Variants in THADA observed in about 807,000 individuals in gnomAD.
THADA encodes the protein tRNA (32-2'-O)-methyltransferase regulator THADA.
Under a neutral mutation model 219.8 loss-of-function variants are expected in THADA, and 213 were observed. The observed-to-expected ratio is 0.97, with a 90% CI of 0.87 to 1.09. The LOEUF is 1.09. Ranked by LOEUF, THADA falls within the 50% of genes least tolerant of loss-of-function variation. The probability of loss-of-function intolerance (pLI) is 0.00; values close to 1 mark genes in which losing one functional copy is unlikely to be tolerated. For synonymous variants in THADA, 1,018 were observed against 828.9 expected, an observed-to-expected ratio of 1.23 and a Z score of -3.92; for missense variants, 2,956 against 2,311.3, an observed-to-expected ratio of 1.28 and a Z score of -5.72.
intron 28 of THADA, among the ~76,000 whole-genome samples, chr2:43,402,882 C>T (rs908517361): frequency 1.3e-5 from 2 of 152,170 alleles, no homozygotes; most frequent in African/African-American, 2.4e-5. Context: ...AGGCAGAGAG[C>T]GCTTGGGTTT....
intron 31 of THADA, among the ~76,000 whole-genome samples, chr2:43,293,462 G>A (rs558856531): frequency 6.6e-6 from 1 of 152,136 alleles, no homozygotes; most frequent in East Asian, 1.9e-4. Context: ...ATGCGTTCCT[G>A]GCACCCCTCC....
intron 29 of THADA, among the ~76,000 whole-genome samples, chr2:43,385,501 G>C (rs1399095723): frequency 2.0e-5 from 3 of 151,234 alleles, no homozygotes; most frequent in African/African-American, 7.3e-5. Flanking sequence ...CAGTTACTCG[G>C]AAGTCTGAGG....
At chr2:43,285,205 T>C (rs1673844990) in intron 35 of THADA, among the ~76,000 whole-genome samples, 2 of 152,190 alleles carry the variant, frequency 1.3e-5, no homozygotes, top group African/African-American at 4.8e-5. Flanking sequence ...GAGAAGGACA[T>C]GAGATTCAGG....
At chr2:43,445,900 C>T (rs1473878213) in intron 26 of THADA, among the ~76,000 whole-genome samples, 3 of 152,100 alleles carry the variant, frequency 2.0e-5, no homozygotes, top group African/African-American at 7.2e-5. Flanking sequence ...GGAGAATTCC[C>T]AAATCACTAA....
Position 43,574,802 on chromosome 2 carries a change from C to A in THADA, c.1263G>T (p.Met421Ile). 6.2e-6 allele frequency: 10 copies of A among 1,613,990 alleles called. No individual in the cohort carries two copies. Among genetic ancestry groups the A allele is most frequent in the Non-Finnish European group, 7.6e-6 (9 of 1,179,906 alleles). ...TKIMFKNLLQ[M>I]HRLTVEGADF... ...CTGCACCTTCCACAGTGAGCCGGTG[C>A]ATTTGGAGAAGGTTTTTGAACATGA... Residue 421 changes from methionine to isoleucine, a missense_variant, in exon 11 of 38, where the codon ATG becomes ATT. By Grantham distance (10) the Met-to-Ile change is conservative. Transcript: ENST00000405975.
chr2:43,581,211 C>T (rs1056733300), intron 8 of THADA, among the ~76,000 whole-genome samples: 1 of 151,966 alleles, frequency 6.6e-6, no homozygotes, highest in African/African-American at 2.4e-5. Context: ...ACCCTTGAAC[C>T]TATCTTCCAA....
chr2:43,480,101 T>C (rs1686008147), intron 26 of THADA, among the ~76,000 whole-genome samples: 1 of 152,244 alleles, frequency 6.6e-6, no homozygotes, highest in Non-Finnish European at 1.5e-5. Flanking sequence ...TGTAACAGCA[T>C]GTGCTCTGCA....
chr2:43,349,902 AT>A (rs1668056475), intron 29 of THADA, among the ~76,000 whole-genome samples: 1 of 152,170 alleles, frequency 6.6e-6, no homozygotes, highest in Non-Finnish European at 1.5e-5. Context: ...CAAGTATAAA[AT>A]TTCTGTATCT....
chr2:43,577,218 C>G lies in THADA; in HGVS notation c.841G>C (p.Val281Leu), dbSNP rs775499084. ...HLISSVLLRS[V>L]DCTSVPEWFM... is the part of the protein sequence containing the mutation. ...CACTCGGGGACACTGGTGCAGTCCA[C>G]TGAACGAAGCAGCACACTGCTAATC... Residue 281 changes from valine to leucine, a missense_variant, in exon 10 of 38, where the codon GTG becomes CTG. By Grantham distance (32) the Val-to-Leu change is conservative. Transcript: ENST00000405975. 1.9e-6 allele frequency: 3 copies of G among 1,596,686 alleles called. No individual in the cohort carries two copies. In the African/African-American group the frequency reaches 4.0e-5, roughly 21 times the overall value.
intron 21 of THADA, among the ~76,000 whole-genome samples, chr2:43,540,585 A>G (rs189190440): frequency 2.0e-5 from 3 of 152,368 alleles, no homozygotes; most frequent in Non-Finnish European, 4.4e-5. Flanking sequence ...AATCAATTAA[A>G]AACAGAAATC....
At chr2:43,504,146 T>C (rs1432692824) in intron 24 of THADA, among the ~76,000 whole-genome samples, 1 of 152,238 alleles carries the variant, frequency 6.6e-6, no homozygotes, top group Non-Finnish European at 1.5e-5. Context: ...ATGTACTTTT[T>C]AAAAGTGATA....
intron 36 of THADA, among the ~76,000 whole-genome samples, chr2:43,263,811 G>A (rs539104321): frequency 3.3e-5 from 5 of 152,138 alleles, no homozygotes; most frequent in African/African-American, 4.8e-5. Context: ...TGCCATGGTG[G>A]TTTGCTGCAC....
At chr2:43,534,466 T>A (rs542639810) in intron 21 of THADA, among the ~76,000 whole-genome samples, 7 of 152,106 alleles carry the variant, frequency 4.6e-5, no homozygotes, top group Non-Finnish European at 1.0e-4. Context: ...TTCACAACTC[T>A]ACCTATCTCC....
intron 21 of THADA, 93 bp downstream of exon 21, chr2:43,541,066 T>C: frequency 3.9e-6 from 5 of 1,292,238 alleles, no homozygotes; most frequent in Non-Finnish European, 4.1e-6. Flanking sequence ...TCAAGAAAAA[T>C]TTTAAACCTT....
At chr2:43,362,701 T>G (rs1669671420) in intron 29 of THADA, among the ~76,000 whole-genome samples, 1 of 152,202 alleles carries the variant, frequency 6.6e-6, no homozygotes, top group Non-Finnish European at 1.5e-5. Flanking sequence ...AAAAATTTTC[T>G]TCAATAATAC....
chr2:43,483,349 T>C (rs1039390535), intron 26 of THADA, among the ~76,000 whole-genome samples: 2 of 152,100 alleles, frequency 1.3e-5, no homozygotes, highest in Non-Finnish European at 2.9e-5. Context: ...TTAAACAAAC[T>C]AAAACTAAAA....
At chr2:43,420,428 T>A (rs6747202) in intron 28 of THADA, among the ~76,000 whole-genome samples, 46,999 of 152,104 alleles carry the variant, frequency 0.31, 7,584 homozygotes, top group Non-Finnish European at 0.36. Context: ...GTTACTCAAT[T>A]AACTGATTAG....
chr2:43,510,544 G>C (rs1349369904), intron 22 of THADA, among the ~76,000 whole-genome samples: 2 of 151,364 alleles, frequency 1.3e-5, no homozygotes, highest in East Asian at 3.9e-4. Context: ...AATATTGCCA[G>C]CTTGATATAA....
At chr2:43,577,299 T>C (rs1699962260) in intron 9 of THADA, 57 bp from the exon 10 acceptor site, 2 of 1,382,910 alleles carry the variant, frequency 1.4e-6, no homozygotes, top group Non-Finnish European at 2.0e-6. Flanking sequence ...TTCAGAGATA[T>C]TTCAAAATAC....
Sources: allele counts gnomAD v4.1 joint callset (sites outside exome capture counted in the v4.1 genomes callset), GRCh38; gene constraint gnomAD v4.1.1; transcripts MANE v1.5; gene names NCBI Gene and HGNC (gene_info 2026-07-23, HGNC 2026-07-21).